RAB2A: variants seen among roughly 807,000 people sequenced by gnomAD.
RAB2A encodes ras-related protein Rab-2A.
RAB2A carries 7 observed loss-of-function variants against 32.5 expected under a neutral mutation model. The ratio of observed to expected loss-of-function variants is 0.22; its 90% CI spans 0.12 to 0.40. The LOEUF is 0.40. Among genes scored for constraint, RAB2A ranks in the 10% least tolerant of loss-of-function variants. The pLI is 1.00. For missense variants in RAB2A, 108 were observed against 260.7 expected (o/e 0.41, Z 4.03); for synonymous variants, 79 against 85.2 (o/e 0.93, Z 0.40).
At chr8:60,579,177 G>C (rs1803692076) in intron 3 of RAB2A, among the ~76,000 whole-genome samples, 1 of 152,064 alleles carries the variant, frequency 6.6e-6, no homozygotes, top group Non-Finnish European at 1.5e-5. Flanking sequence ...AGAATACCTG[G>C]GATTACAGGC....
At chr8:60,558,514 T>C (rs772882748) in intron 1 of RAB2A, 1 of 496,590 alleles carries the variant, frequency 2.0e-6, no homozygotes, top group Non-Finnish European at 4.0e-6. Flanking sequence ...ATATTTTCAC[T>C]GTAACACAAA....
At chr8:60,533,469 A>G (rs1291477075) in intron 1 of RAB2A, among the ~76,000 whole-genome samples, 1 of 152,228 alleles carries the variant, frequency 6.6e-6, no homozygotes, top group East Asian at 1.9e-4. Flanking sequence ...TACTTAGGTG[A>G]CTGACATATG....
At chr8:60,582,118 A>T (rs1419495150) in intron 3 of RAB2A, among the ~76,000 whole-genome samples, 4 of 151,474 alleles carry the variant, frequency 2.6e-5, no homozygotes, top group Non-Finnish European at 5.9e-5. Context: ...GCTAATTTTT[A>T]AAATTTTTTT....
At chr8:60,525,899 A>G (rs1807370171) in intron 1 of RAB2A, among the ~76,000 whole-genome samples, 2 of 148,602 alleles carry the variant, frequency 1.3e-5, no homozygotes, top group Non-Finnish European at 3.0e-5. Context: ...TATATTTTTT[A>G]GTTTTTTTAA....
intron 6 of RAB2A, among the ~76,000 whole-genome samples, chr8:60,596,763 T>A (rs1483641033): frequency 6.6e-6 from 1 of 151,894 alleles, no homozygotes; most frequent in Non-Finnish European, 1.5e-5. Context: ...GTATTAAAAA[T>A]ATAAAAAATT....
intron 6 of RAB2A, among the ~76,000 whole-genome samples, chr8:60,608,376 C>G (rs1444679620): frequency 6.6e-6 from 1 of 151,950 alleles, no homozygotes; most frequent in Non-Finnish European, 1.5e-5. Flanking sequence ...ATACTTTTGA[C>G]TACTCTTCAG....
At chr8:60,586,980 C>CA (rs1444816654) in intron 5 of RAB2A, among the ~76,000 whole-genome samples, 1 of 149,484 alleles carries the variant, frequency 6.7e-6, no homozygotes, top group Non-Finnish European at 1.5e-5. Context: ...ATCAAACTAT[C>CA]AAACATTGGC....
chr8:60,529,084 G>A (rs1026742506), intron 1 of RAB2A, among the ~76,000 whole-genome samples: 2 of 151,554 alleles, frequency 1.3e-5, no homozygotes, highest in African/African-American at 4.9e-5. Context: ...CATTAAGCAT[G>A]TTTCTTTTTT....
chr8:60,617,972 T>C (rs1238121415), intron 6 of RAB2A, among the ~76,000 whole-genome samples: 1 of 152,244 alleles, frequency 6.6e-6, no homozygotes, highest in African/African-American at 2.4e-5. Flanking sequence ...GGAGTTGTAG[T>C]ATTGTGGCGT....
intron 1 of RAB2A, among the ~76,000 whole-genome samples, chr8:60,537,026 A>G (rs1161588690): frequency 6.6e-6 from 1 of 152,222 alleles, no homozygotes; most frequent in East Asian, 1.9e-4. Context: ...TACCATCATT[A>G]CTAGCAAAAA....
At chr8:60,585,066 T>C (rs1334779956) in intron 5 of RAB2A, among the ~76,000 whole-genome samples, 1 of 152,222 alleles carries the variant, frequency 6.6e-6, no homozygotes, top group East Asian at 1.9e-4. Context: ...AGGAGTTTTA[T>C]CAGATTACTG....
intron 1 of RAB2A, among the ~76,000 whole-genome samples, chr8:60,549,450 C>T (rs1807809088): frequency 6.6e-6 from 1 of 150,860 alleles, no homozygotes. Flanking sequence ...CCAGCCCGGC[C>T]AACACAGCGA....
intron 1 of RAB2A, among the ~76,000 whole-genome samples, chr8:60,541,607 T>A (rs2130817377): frequency 6.6e-6 from 1 of 152,260 alleles, no homozygotes; most frequent in Admixed American, 6.5e-5. Context: ...GAGAAGTGCT[T>A]GAACCCAGGA....
At chr8:60,588,780 A>G (rs184717298) in intron 5 of RAB2A, among the ~76,000 whole-genome samples, 1 of 152,220 alleles carries the variant, frequency 6.6e-6, no homozygotes, top group Non-Finnish European at 1.5e-5. Context: ...TTTAAGTACA[A>G]CTTCTTTTAT....
intron 1 of RAB2A, among the ~76,000 whole-genome samples, chr8:60,542,249 C>T (rs559438679): frequency 2.6e-5 from 4 of 152,294 alleles, no homozygotes; most frequent in East Asian, 3.9e-4. Context: ...GGTGCAGTGG[C>T]TCATGCCTGT....
intron 1 of RAB2A, among the ~76,000 whole-genome samples, chr8:60,538,736 C>T (rs1486256641): frequency 1.3e-5 from 2 of 152,088 alleles, no homozygotes; most frequent in Non-Finnish European, 2.9e-5. Context: ...GGGCAGATGG[C>T]CATAGAGGGG....
intron 6 of RAB2A, among the ~76,000 whole-genome samples, chr8:60,601,764 T>TAAAA (rs2150433067): frequency 6.6e-6 from 1 of 152,374 alleles, no homozygotes; most frequent in Admixed American, 6.5e-5. Flanking sequence ...ACATGACAGA[T>TAAAA]TTTTAAGTAA....
intron 2 of RAB2A, among the ~76,000 whole-genome samples, chr8:60,564,304 G>T (rs1311528382): frequency 1.3e-5 from 2 of 152,178 alleles, no homozygotes; most frequent in African/African-American, 2.4e-5. Flanking sequence ...CCTTGGTGCT[G>T]TGGGTAAACT....
At position 60,622,034 on chromosome 8, in the gene RAB2A, T is replaced by A. The variant is rs1563490132; in HGVS notation, c.*1265T>A. 6.6e-6 allele frequency: 1 copy of A among 152,182 alleles called. No homozygotes were observed. The highest frequency in any genetic ancestry group is 1.5e-5 in the Non-Finnish European group (1 of 68,026). The allele number at this position is 152,182 out of a possible 1,614,324, so 9.4% of individuals were successfully genotyped here. ...TTTTTTATTATGACCACCTCTTTTTTAATGTATTTTTAGTCCACTTACAGC... is the reference window on the plus strand; with the variant it reads ...TTTTTTATTATGACCACCTCTTTTTAAATGTATTTTTAGTCCACTTACAGC... On this transcript the variant is annotated 3_prime_UTR_variant, in exon 8 of 8. Transcript: ENST00000262646.
Sources: gnomAD v4.1 joint callset for allele counts (sites outside exome capture counted in the v4.1 genomes callset) on GRCh38, gnomAD v4.1.1 for gene constraint, MANE v1.5 for transcripts, NCBI Gene and HGNC (gene_info 2026-07-23, HGNC 2026-07-21) for gene names.